Variants in CHD5 observed in about 807,000 individuals in gnomAD.
CHD5 encodes chromodomain helicase DNA binding protein 5.
CHD5 carries 69 observed loss-of-function variants against 230.3 expected under a neutral mutation model. The ratio of observed to expected loss-of-function variants is 0.30; its 90% CI spans 0.25 to 0.37. The LOEUF (loss-of-function observed/expected upper bound fraction) is 0.37. Among genes scored for constraint, CHD5 ranks in the 10% least tolerant of loss-of-function variants. The pLI, the probability that CHD5 is intolerant of heterozygous loss-of-function variation, is 1.00. For synonymous variants in CHD5, 1,064 were observed against 1,065.9 expected, an observed-to-expected ratio of 1.00 and a Z score of 0.03; for missense variants, 1,827 against 2,622.8, an observed-to-expected ratio of 0.70 and a Z score of 6.63.
intron 1 of CHD5, among the ~76,000 whole-genome samples, chr1:6,170,022 A>G (rs1244598096): frequency 1.3e-5 from 2 of 152,124 alleles, no homozygotes; most frequent in Admixed American, 6.5e-5. Context: ...GCTTTCACCC[A>G]GGAAGGGGGC....
intron 36 of CHD5, 95 bp from the exon 37 acceptor site, chr1:6,110,621 G>T: frequency 1.5e-6 from 2 of 1,353,724 alleles, no homozygotes; most frequent in Non-Finnish European, 2.0e-6. Context: ...CAGCCCGGGG[G>T]TCGGCATTCT....
intron 15 of CHD5, among the ~76,000 whole-genome samples, chr1:6,139,104 G>A (rs995008384): frequency 6.6e-6 from 1 of 152,192 alleles, no homozygotes; most frequent in Non-Finnish European, 1.5e-5. Context: ...CCAGGGGCTC[G>A]AGGTGGTGGG....
chr1:6,167,835 T>C lies in CHD5; in HGVS notation c.207+315A>G, dbSNP rs1249189450. ...ACGGAGTCAGCTACAGAGCAGGGAG[T>C]GGGGCAGGGAGGTAGGGAGGCACCG... On this transcript the variant is annotated intron_variant, in intron 2 of 41. Coordinates refer to ENST00000262450, the MANE Select transcript of CHD5 (RefSeq NM_015557.3). This position sits in a 1 kb window ranked among gnomAD's most constrained non-coding sequence, Gnocchi z 4.5. 3.3e-5 allele frequency among the ~76,000 whole-genome samples: 5 copies of C among 151,538 alleles called. No homozygotes were observed. Among genetic ancestry groups the C allele is most frequent in the Admixed American group, 2.0e-4 (3 of 15,198 alleles).
chr1:6,106,385 G>C lies in CHD5; in HGVS notation c.5857+10C>G. 6.2e-7 allele frequency: 1 copy of C among 1,605,488 alleles called. No homozygotes were observed. Among genetic ancestry groups the C allele is most frequent in the Non-Finnish European group, 8.5e-7 (1 of 1,176,456 alleles). On this transcript the variant is annotated intron_variant, in intron 40 of 41. Coordinates refer to ENST00000262450, the MANE Select transcript of CHD5 (RefSeq NM_015557.3). ...CGTGTGCATGCTGCCCGGAGCGGAC[G>C]GGCACCTACCGGTCACATAGGGCCC... is the stretch of plus-strand genomic sequence containing the variant.
rs1666641465 is a variant in CHD5 at position 6,130,724 on chromosome 1, A to C, written c.3263-396T>G. Among the ~76,000 whole-genome samples, 1 of 152,192 alleles carries C rather than the reference A, an allele frequency of 6.6e-6. No homozygotes were observed. The highest frequency in any genetic ancestry group is 1.5e-5 in the Non-Finnish European group (1 of 68,024). On this transcript the variant is annotated intron_variant, in intron 21 of 41. Transcript: ENST00000262450. The surrounding 1 kb of genome is among the most constrained non-coding windows in gnomAD (Gnocchi z 4.9). ...CTTAGCCCACCGATGCTGCCAGGGCAGCCCGGGAAAACTCAGGGGCGCAGC... is the reference window on the plus strand; with the variant it reads ...CTTAGCCCACCGATGCTGCCAGGGCCGCCCGGGAAAACTCAGGGGCGCAGC...
At position 6,107,398 on chromosome 1, in the gene CHD5, G is replaced by C. The variant is rs1666199833; in HGVS notation, c.5579-619C>G. ...GATGGAGGGATGATGGAGGAATGGA[G>C]GGGTGGAGAAATGGAGGGATGGAGG... On this transcript the variant is annotated intron_variant, in intron 38 of 41. Coordinates refer to ENST00000262450, the MANE Select transcript of CHD5 (RefSeq NM_015557.3). Among the ~76,000 whole-genome samples, 4 of 96,164 alleles carry C rather than the reference G, an allele frequency of 4.2e-5. No individual in the cohort carries two copies. The South Asian group carries it at 2.0e-3, about 47-fold the overall frequency. The allele number at this position is 96,164 out of a possible 152,430, so 63.1% of individuals were successfully genotyped here.
rs1010496668 is a variant in CHD5 at position 6,128,636 on chromosome 1, G to A, written c.3620-27C>T. 2.5e-6 allele frequency: 4 copies of A among 1,573,878 alleles called. No individual in the cohort carries two copies. The African/African-American group carries it at 4.0e-5, about 16-fold the overall frequency. ...TGTCAGACAGAGAAGGAAAGCACTGGTGCAGGACCACAGAGGGCTGCAGGG... is the reference window on the plus strand; with the variant it reads ...TGTCAGACAGAGAAGGAAAGCACTGATGCAGGACCACAGAGGGCTGCAGGG... On this transcript the variant is annotated intron_variant, in intron 23 of 41. Transcript: ENST00000262450. This position sits in a 1 kb window ranked among gnomAD's most constrained non-coding sequence, Gnocchi z 7.8.
chr1:6,179,275 T>C (rs1185266543), intron 1 of CHD5, among the ~76,000 whole-genome samples: 1 of 152,038 alleles, frequency 6.6e-6, no homozygotes, highest in East Asian at 1.9e-4. Flanking sequence ...CGGCGGGCGC[T>C]AGGTCGCGCC....
intron 5 of CHD5, 105 bp from the exon 6 acceptor site, chr1:6,152,641 T>G: frequency 6.4e-7 from 1 of 1,555,156 alleles, no homozygotes; most frequent in South Asian, 1.2e-5. Flanking sequence ...AAGGGTCATT[T>G]CTACCATCAC....
At chr1:6,122,999 G>A (rs187676753) in intron 31 of CHD5, among the ~76,000 whole-genome samples, 5 of 151,896 alleles carry the variant, frequency 3.3e-5, no homozygotes, top group Admixed American at 1.3e-4. Flanking sequence ...CCTGGGAGGC[G>A]GAGGTTGCAG....
chr1:6,131,665 CCCGGTGATGCCACCATCAAT>C lies in CHD5; in HGVS notation c.3208_3227del (p.Ile1070GlyfsTer51), dbSNP rs1428028707. The C allele has an allele frequency of 6.2e-7, 1 of 1,612,554 alleles. No homozygotes were observed. On this transcript the variant is annotated frameshift_variant, in exon 21 of 42. Coordinates refer to ENST00000262450, the MANE Select transcript of CHD5 (RefSeq NM_015557.3). LOFTEE classifies it high-confidence loss of function. This position sits in a 1 kb window ranked among gnomAD's most constrained non-coding sequence, Gnocchi z 5.0. ...TGTCGATTGCCTCCTGCCGGAGGCC[CCCGGTGATGCCACCATCAAT>C]CCGCTCATACTTGTAGCCTTCGTAC...
chr1:6,174,662 T>A (rs1667392380), intron 1 of CHD5, among the ~76,000 whole-genome samples: 1 of 150,746 alleles, frequency 6.6e-6, no homozygotes, highest in Non-Finnish European at 1.5e-5. Context: ...AATTGATGGA[T>A]AGACGGTGGG....
rs370683328 is a variant in CHD5 at position 6,179,430 on chromosome 1, G to T, written c.79+515C>A. On this transcript the variant is annotated intron_variant, in intron 1 of 41. Coordinates refer to ENST00000262450, the MANE Select transcript of CHD5 (RefSeq NM_015557.3). ...GGAGGGAAGCCGCCCCATCCTGGGCGCTCAACGCGTCCCCAAGCACCGCCG... is the reference window on the plus strand; with the variant it reads ...GGAGGGAAGCCGCCCCATCCTGGGCTCTCAACGCGTCCCCAAGCACCGCCG... Among the ~76,000 whole-genome samples the T allele has an allele frequency of 2.6e-5, 4 of 152,264 alleles. No homozygotes were observed. In the East Asian group the frequency reaches 7.7e-4, roughly 29 times the overall value.
At chr1:6,136,027 CA>C (rs750706141) in intron 17 of CHD5, among the ~76,000 whole-genome samples, 1,662 of 112,376 alleles carry the variant, frequency 0.015, 25 homozygotes, top group African/African-American at 0.046. Context: ...AAAAAAACAA[CA>C]AAAAAAAAAA....
intron 38 of CHD5, among the ~76,000 whole-genome samples, chr1:6,108,309 GGA>G (rs1468211070): frequency 2.0e-5 from 3 of 147,404 alleles, no homozygotes; most frequent in Non-Finnish European, 4.5e-5. Context: ...GAGGGAAGAT[GGA>G]GAGACGGAGG....
rs1244287146 is a variant in CHD5 at position 6,121,572 on chromosome 1, G to T, written c.4701C>A (p.Asp1567Glu). The T allele has an allele frequency of 1.2e-6, 2 of 1,611,248 alleles. No homozygotes were observed. Among genetic ancestry groups the T allele is most frequent in the East Asian group, 2.2e-5 (1 of 44,850 alleles). Reference sequence around the variant, plus strand: ...TGTAGCCCAGCTGGGCTTCCATTTTGTCTGAAAGATCAAGGGAAAGAGCTG... The same window carrying T: ...TGTAGCCCAGCTGGGCTTCCATTTTTTCTGAAAGATCAAGGGAAAGAGCTG... ...HLLPAPLGLP[D>E]KMEAQLGYMD... The change falls in exon 32 of 42, where the codon GAC (aspartate) becomes GAA (glutamate). Residue 1567 changes from aspartate (D) to glutamate (E), a missense_variant and splice_region_variant. By Grantham distance (45) the Asp-to-Glu change is conservative. Coordinates refer to ENST00000262450, the MANE Select transcript of CHD5 (RefSeq NM_015557.3). This position sits in a 1 kb window ranked among gnomAD's most constrained non-coding sequence, Gnocchi z 4.5.
At chr1:6,109,118 T>C (rs1666244070) in intron 38 of CHD5, among the ~76,000 whole-genome samples, 1 of 152,040 alleles carries the variant, frequency 6.6e-6, no homozygotes, top group Non-Finnish European at 1.5e-5. Context: ...CCCTCTGGGC[T>C]GGGCAAGGGC....
intron 1 of CHD5, among the ~76,000 whole-genome samples, chr1:6,171,506 T>G (rs1667338927): frequency 1.5e-5 from 2 of 136,662 alleles, no homozygotes; most frequent in African/African-American, 7.3e-5. Flanking sequence ...TCTATGACAC[T>G]GCCCCCCCCA....
chr1:6,118,510 A>T (rs1666412763), intron 33 of CHD5, among the ~76,000 whole-genome samples: 1 of 152,182 alleles, frequency 6.6e-6, no homozygotes, highest in Admixed American at 6.5e-5. Flanking sequence ...TTGGTATGAA[A>T]TGTTCAGAAT....
Sources: gnomAD v4.1 joint callset for allele counts (sites outside exome capture counted in the v4.1 genomes callset) on GRCh38, gnomAD v4.1.1 for gene constraint, Gnocchi (gnomAD v3.1) non-coding constraint, MANE v1.5 for transcripts, NCBI Gene and HGNC (gene_info 2026-07-23, HGNC 2026-07-21) for gene names.